LRRC53: variants seen among roughly 807,000 people sequenced by gnomAD.
LRRC53 encodes leucine-rich repeat-containing protein 53.
A neutral mutation model predicts 13.6 loss-of-function variants in LRRC53; 25 were observed. The ratio of observed to expected loss-of-function variants is 1.83; its 90% confidence interval spans 1.34 to 2.56. The LOEUF (loss-of-function observed/expected upper bound fraction) is 2.56, where lower values mean the gene tolerates loss of function less well. LRRC53 is among the 30% of genes most tolerant of loss of function. The probability of loss-of-function intolerance (pLI) is 0.00; values close to 1 mark genes in which losing one functional copy is unlikely to be tolerated. For missense variants in LRRC53, 527 were observed against 275.8 expected, an observed-to-expected ratio of 1.91 and a Z score of -6.45; for synonymous variants, 204 against 109.8, an observed-to-expected ratio of 1.86 and a Z score of -5.37.
At chr1:74,488,850 A>C (rs944450402) in intron 1 of LRRC53, among the ~76,000 whole-genome samples, 1 of 152,200 alleles carries the variant, frequency 6.6e-6, no homozygotes, top group Non-Finnish European at 1.5e-5. Flanking sequence ...AGGCACTGAG[A>C]TAGTTAATAG....
At chr1:74,510,909 C>T (rs538226847) in intron 1 of LRRC53, among the ~76,000 whole-genome samples, 54 of 152,250 alleles carry the variant, frequency 3.5e-4, no homozygotes, top group African/African-American at 9.4e-4. Context: ...TTTTTTGAGA[C>T]GAAGTCTCAC....
At chr1:74,486,478 CT>C (rs1314252603) in intron 1 of LRRC53, among the ~76,000 whole-genome samples, 2 of 143,054 alleles carry the variant, frequency 1.4e-5, no homozygotes, top group Non-Finnish European at 3.0e-5. Context: ...AACATCATCA[CT>C]TTTTTTGTGT....
intron 1 of LRRC53, among the ~76,000 whole-genome samples, chr1:74,485,690 G>A (rs1668722375): frequency 6.6e-6 from 1 of 152,162 alleles, no homozygotes; most frequent in African/African-American, 2.4e-5. Flanking sequence ...AGCAGAATAA[G>A]TTTTACAGCT....
chr1:74,531,086 T>C, the LRRC53 span, among the ~76,000 whole-genome samples: 3 of 152,214 alleles, frequency 2.0e-5, no homozygotes, highest in Non-Finnish European at 2.9e-5. Flanking sequence ...ATGACCTGGT[T>C]GCCAAGTCTT....
At chr1:74,533,800 A>G in the LRRC53 span, among the ~76,000 whole-genome samples, 1 of 152,148 alleles carries the variant, frequency 6.6e-6, no homozygotes, top group Non-Finnish European at 1.5e-5. Context: ...TTCTCAGTAA[A>G]CTATCACAAG....
the LRRC53 span, among the ~76,000 whole-genome samples, chr1:74,532,429 C>T: frequency 3.3e-5 from 5 of 151,596 alleles, no homozygotes; most frequent in Admixed American, 2.6e-4. Context: ...GGTAACTGAA[C>T]AATAGTTTGA....
chr1:74,480,687 C>A lies in LRRC53; in HGVS notation c.370G>T (p.Gly124Trp), dbSNP rs1342730211. The change falls in exon 3 of 5, where the codon GGG becomes TGG. Residue 124 changes from glycine to tryptophan, a missense_variant. Coordinates refer to ENST00000294635, the MANE Select transcript of LRRC53 (RefSeq NM_001382280.1). ...LSNNALRTLR[G>W]SWFRNTSGLT... is the part of the protein sequence containing the mutation. ...CCGCTTGTGTTTCGGAACCAAGACC[C>A]TCGTAGGGTGCGGAGAGCATTATTG... is the stretch of plus-strand genomic sequence containing the variant. The A allele has an allele frequency of 2.8e-6, 2 of 717,346 alleles. No homozygotes were observed. The highest frequency in any genetic ancestry group is 1.5e-5 in the South Asian group (1 of 67,570). 44.4% of individuals were successfully genotyped at this position (717,346 alleles called of 1,614,324 possible). A position where few individuals can be genotyped will look rare whatever the true frequency, so the allele number is the denominator to read the frequency against.
chr1:74,502,171 T>C (rs559364530), intron 1 of LRRC53, among the ~76,000 whole-genome samples: 1 of 152,322 alleles, frequency 6.6e-6, no homozygotes, highest in Non-Finnish European at 1.5e-5. Flanking sequence ...GTGATAATCT[T>C]AGAAAATCGT....
At chr1:74,515,572 G>T (rs151290968), upstream of LRRC53, among the ~76,000 whole-genome samples, 56 of 152,314 alleles carry the variant, frequency 3.7e-4, no homozygotes, top group African/African-American at 1.3e-3. Flanking sequence ...TAGGGCAGAA[G>T]TCAGGAAGAG....
chr1:74,510,170 TC>T (rs1215012076), intron 1 of LRRC53, among the ~76,000 whole-genome samples: 1 of 152,192 alleles, frequency 6.6e-6, no homozygotes, highest in African/African-American at 2.4e-5. Flanking sequence ...GATTTTTACT[TC>T]CTGAGATCAG....
At chr1:74,533,050 C>A in the LRRC53 span, among the ~76,000 whole-genome samples, 1 of 152,100 alleles carries the variant, frequency 6.6e-6, no homozygotes, top group South Asian at 2.1e-4. Context: ...GCAACAAAAG[C>A]CAAAATTGAC....
chr1:74,534,832 G>A, the LRRC53 span, among the ~76,000 whole-genome samples: 2 of 152,106 alleles, frequency 1.3e-5, no homozygotes, highest in African/African-American at 4.8e-5. Context: ...ATGTGAAAGT[G>A]GTTTCTCTAC....
At chr1:74,487,950 A>T (rs1054569519) in intron 1 of LRRC53, among the ~76,000 whole-genome samples, 1 of 152,134 alleles carries the variant, frequency 6.6e-6, no homozygotes, top group Non-Finnish European at 1.5e-5. Flanking sequence ...GGCATTGGTC[A>T]TGACAGGGTC....
intron 1 of LRRC53, among the ~76,000 whole-genome samples, chr1:74,491,096 C>G (rs1330821461): frequency 6.6e-6 from 1 of 152,084 alleles, no homozygotes; most frequent in Non-Finnish European, 1.5e-5. Flanking sequence ...CTGGGATACA[C>G]ATTTTAGAAG....
At chr1:74,489,542 A>G (rs1212699864) in intron 1 of LRRC53, among the ~76,000 whole-genome samples, 1 of 152,248 alleles carries the variant, frequency 6.6e-6, no homozygotes, top group East Asian at 1.9e-4. Context: ...TATAACAAAT[A>G]CATTAGAAGG....
At chr1:74,517,512 G>A (rs1449195076), upstream of LRRC53, among the ~76,000 whole-genome samples, 1 of 152,180 alleles carries the variant, frequency 6.6e-6, no homozygotes, top group Non-Finnish European at 1.5e-5. Context: ...AAAGCATTTA[G>A]AATCAGAGCA....
At chr1:74,483,042 T>A (rs1468859928) in intron 2 of LRRC53, among the ~76,000 whole-genome samples, 1 of 152,204 alleles carries the variant, frequency 6.6e-6, no homozygotes, top group Non-Finnish European at 1.5e-5. Flanking sequence ...AATAGCAAAA[T>A]AACTCAGTTA....
the LRRC53 span, among the ~76,000 whole-genome samples, chr1:74,530,216 C>T: frequency 1.5e-4 from 23 of 152,268 alleles, no homozygotes; most frequent in Non-Finnish European, 4.4e-5. Flanking sequence ...TAGCACAGCT[C>T]CTGGCATTGT....
intron 1 of LRRC53, among the ~76,000 whole-genome samples, chr1:74,486,506 GCT>G: frequency 1.1e-5 from 1 of 87,712 alleles, no homozygotes; most frequent in African/African-American, 7.2e-5. Flanking sequence ...TTTGTTTTTT[GCT>G]TTTTTTTTTT....
Sources: allele counts gnomAD v4.1 joint callset (sites outside exome capture counted in the v4.1 genomes callset), GRCh38; gene constraint gnomAD v4.1.1; transcripts MANE v1.5; gene names NCBI Gene and HGNC (gene_info 2026-07-23, HGNC 2026-07-21).